Variants in PCNX4 observed in about 807,000 individuals in gnomAD.
The protein encoded by PCNX4 is pecanex-like protein 4.
In PCNX4, 103 loss-of-function variants were observed where a neutral mutation model predicts 107.2. The observed-to-expected ratio is 0.96, with a 90% CI of 0.82 to 1.13. The LOEUF (loss-of-function observed/expected upper bound fraction) is 1.13. Ranked by LOEUF, PCNX4 falls within the 50% of genes most tolerant of loss-of-function variation. The probability of loss-of-function intolerance (pLI) is 0.00; values close to 1 mark genes in which losing one functional copy is unlikely to be tolerated. For missense variants in PCNX4, 1,528 were observed against 1,379.4 expected, an observed-to-expected ratio of 1.11 and a Z score of -1.71; for synonymous variants, 541 against 481.7, an observed-to-expected ratio of 1.12 and a Z score of -1.61.
At position 60,100,392 on chromosome 14, in the gene PCNX4, A is replaced by G. The variant is rs894635450; in HGVS notation, c.-53-7194A>G. ...TGGCTCACTACAACCTCTGTCTCCC[A>G]GGTTCAAGTGATTCTCCCGCCTCAG... is the stretch of plus-strand genomic sequence containing the variant. On this transcript the variant is annotated intron_variant, in intron 1 of 10. Coordinates refer to ENST00000406854, the MANE Select transcript of PCNX4 (RefSeq NM_001330177.2). Among the ~76,000 whole-genome samples, 3 of 152,254 alleles carry G rather than the reference A, an allele frequency of 2.0e-5. 1 individual carries two copies. The highest frequency in any genetic ancestry group is 2.0e-4 in the Admixed American group (3 of 15,292).
intron 7 of PCNX4, among the ~76,000 whole-genome samples, chr14:60,119,459 A>G (rs1263917194): frequency 6.6e-6 from 1 of 152,216 alleles, no homozygotes; most frequent in Non-Finnish European, 1.5e-5. Context: ...TTCTAGGCAG[A>G]GTAACAATTT....
chr14:60,108,360 T>C, intron 2 of PCNX4, 33 bp downstream of exon 2: 1 of 1,501,446 alleles, frequency 6.7e-7, no homozygotes, highest in South Asian at 1.3e-5. Flanking sequence ...GTAACTAACT[T>C]TGTTTTTAAG....
At chr14:60,110,252 G>A (rs1319056790) in intron 2 of PCNX4, 1 of 167,110 alleles carries the variant, frequency 6.0e-6, no homozygotes, top group African/African-American at 2.4e-5. Context: ...TGATAGAACT[G>A]TTCAGCTACA....
intron 10 of PCNX4, among the ~76,000 whole-genome samples, chr14:60,128,108 A>G (rs1896088822): frequency 1.3e-5 from 2 of 152,210 alleles, no homozygotes; most frequent in South Asian, 2.1e-4. Flanking sequence ...GTGGAACACC[A>G]TTAACTGCTC....
rs377589094 is a variant in PCNX4 at position 60,124,403 on chromosome 14, A to G, written c.2232A>G (p.Ser744=). 28 of 1,613,402 alleles carry G rather than the reference A, an allele frequency of 1.7e-5. No individual in the cohort carries two copies. In the African/African-American group the frequency reaches 3.3e-4, roughly 19 times the overall value. ...ATTCTGATGCCAGGAATGTTCTATC[A>G]GGCATAATTGATTCTCATGAAAACT... ...KLYSDARNVL[S]GIIDSHENLK... The change falls in exon 9 of 11, where the codon TCA becomes TCG. Residue 744 remains serine (S), a synonymous_variant. Transcript: ENST00000406854.
intron 2 of PCNX4, chr14:60,110,429 G>A (rs1051518909): frequency 2.4e-5 from 4 of 167,128 alleles, no homozygotes; most frequent in East Asian, 1.9e-4. Context: ...GAGCACTGGC[G>A]GTGACCTGCC....
intron 2 of PCNX4, chr14:60,110,334 C>T (rs770001145): frequency 1.2e-5 from 2 of 167,118 alleles, no homozygotes; most frequent in Admixed American, 6.5e-5. Flanking sequence ...GGGCTACCAC[C>T]TGTTTCAACA....
At position 60,144,830 on chromosome 14, in the gene PCNX4, A is replaced by G. The variant is rs1376011105; in HGVS notation, c.*10609A>G. 1 of 745,898 alleles carries G rather than the reference A, an allele frequency of 1.3e-6. No homozygotes were observed. The highest frequency in any genetic ancestry group is 2.3e-5 in the Admixed American group (1 of 44,104). 46.2% of individuals were successfully genotyped at this position (745,898 alleles called of 1,614,324 possible). On this transcript the variant is annotated 3_prime_UTR_variant, in exon 11 of 11. Transcript: ENST00000406854. ...TATTATTTATTTTTTATTTCATTCCATGTTGGAAGCAAAGTCATATCTATT... is the reference window on the plus strand; with the variant it reads ...TATTATTTATTTTTTATTTCATTCCGTGTTGGAAGCAAAGTCATATCTATT...
In PCNX4 at chr14:60,137,870, A is replaced by C. The variant is rs978753036; in HGVS notation, c.*3649A>C. 1 of 152,072 alleles carries C rather than the reference A, an allele frequency of 6.6e-6. No individual in the cohort carries two copies. The highest frequency in any genetic ancestry group is 2.4e-5 in the African/African-American group (1 of 41,412). The allele number at this position is 152,072 out of a possible 1,614,324, so 9.4% of individuals were successfully genotyped here. A position where few individuals can be genotyped will look rare whatever the true frequency, so the allele number is the denominator to read the frequency against. ...TTTGGGAGGCTGAGGCGGGTGGATC[A>C]TGAGGTCAGGAGATCGAGACCATCC... On this transcript the variant is annotated 3_prime_UTR_variant, in exon 11 of 11. Coordinates refer to ENST00000406854, the MANE Select transcript of PCNX4 (RefSeq NM_001330177.2).
rs150687 is a variant in PCNX4 at position 60,115,217 on chromosome 14, C to T, written c.1113C>T (p.Ser371=). Reference sequence around the variant, plus strand: ...TAGTCTTGGCTCTTTTAGAAACTAGCTTGCTTCATCACTTTGCTGGCTTCT... The same window carrying T: ...TAGTCTTGGCTCTTTTAGAAACTAGTTTGCTTCATCACTTTGCTGGCTTCT... The part of the protein sequence containing the change: ...IILVLALLET[S]LLHHFAGFSQ... Residue 371 remains serine, a synonymous_variant, in exon 4 of 11, where the codon AGC becomes AGT. Coordinates refer to ENST00000406854, the MANE Select transcript of PCNX4 (RefSeq NM_001330177.2). The T allele has an allele frequency of 0.89, 1,432,295 of 1,613,184 alleles. 638,072 individuals carry two copies. Among genetic ancestry groups the T allele is most frequent in the East Asian group, 0.93 (41,902 of 44,858 alleles).
At chr14:60,097,755 A>G (rs1311683554) in intron 1 of PCNX4, among the ~76,000 whole-genome samples, 1 of 152,220 alleles carries the variant, frequency 6.6e-6, no homozygotes, top group Non-Finnish European at 1.5e-5. Flanking sequence ...TCCTAATAAT[A>G]TGCCTAGGAC....
chr14:60,093,037 G>A (rs1895338706), intron 1 of PCNX4, among the ~76,000 whole-genome samples: 1 of 152,124 alleles, frequency 6.6e-6, no homozygotes, highest in Non-Finnish European at 1.5e-5. Flanking sequence ...GGTATCCACC[G>A]CCACTCACGC....
At chr14:60,128,887 A>G (rs1202902512) in intron 10 of PCNX4, among the ~76,000 whole-genome samples, 1 of 152,170 alleles carries the variant, frequency 6.6e-6, no homozygotes, top group Non-Finnish European at 1.5e-5. Flanking sequence ...TCTTGAATCT[A>G]CAGGAAGAAA....
chr14:60,100,200 G>C (rs1436649928), intron 1 of PCNX4, among the ~76,000 whole-genome samples: 1 of 151,468 alleles, frequency 6.6e-6, no homozygotes, highest in African/African-American at 2.4e-5. Flanking sequence ...CACTTCAATA[G>C]AAAAATAGGC....
rs1442565611 is a variant in PCNX4 at position 60,134,062 on chromosome 14, T to A, written c.3360T>A (p.Asn1120Lys). 1 of 1,613,722 alleles carries A rather than the reference T, an allele frequency of 6.2e-7. No individual in the cohort carries two copies. The highest frequency in any genetic ancestry group is 8.5e-7 in the Non-Finnish European group (1 of 1,179,794). The change falls in exon 11 of 11, where the codon AAT (asparagine) becomes AAA (lysine). Residue 1120 changes from asparagine to lysine, a missense_variant. By Grantham distance (94) the Asn-to-Lys change is moderately conservative. Transcript: ENST00000406854. ...NPEAVRGQWA[N>K]LSWELLYATN... is the part of the protein sequence containing the mutation. ...AAGCTGTTAGAGGTCAGTGGGCCAA[T>A]CTTTCATGGGAATTACTTTATGCCA...
intron 10 of PCNX4, chr14:60,133,647 A>G (rs979285623): frequency 5.9e-5 from 30 of 507,234 alleles, no homozygotes; most frequent in African/African-American, 5.6e-4. Context: ...ATCATTCACC[A>G]CCAAATAGTA....
chr14:60,124,641 G>A lies in PCNX4; in HGVS notation c.2470G>A (p.Asp824Asn). Residue 824 changes from aspartate (D) to asparagine (N), a missense_variant, in exon 9 of 11, where the codon GAT becomes AAT. Transcript: ENST00000406854. ...AGAAACTTTTAATGACTGGTCTGAT[G>A]ATAATATTTTTGATGATGAGCCAAC... is the stretch of plus-strand genomic sequence containing the variant. ...NSETFNDWSD[D>N]NIFDDEPTIK... 1 of 1,613,714 alleles carries A rather than the reference G, an allele frequency of 6.2e-7. No individual in the cohort carries two copies.
chr14:60,116,038 A>T lies in PCNX4; in HGVS notation c.1556A>T (p.Asp519Val). 1 of 1,611,674 alleles carries T rather than the reference A, an allele frequency of 6.2e-7. No homozygotes were observed. The highest frequency in any genetic ancestry group is 8.5e-7 in the Non-Finnish European group (1 of 1,178,838). ...GACATATGGTGGAACAGAAGCCTGG[A>T]TACAGGACTCAGACTCTTACTGGTA... The part of the protein sequence containing the change: ...STDIWWNRSL[D>V]TGLRLLLVGI... The change falls in exon 6 of 11, where the codon GAT becomes GTT. Residue 519 changes from aspartate (D) to valine (V), a missense_variant. Physicochemically the swap from Asp to Val is radical, Grantham distance 152. Transcript: ENST00000406854.
chr14:60,121,263 G>C lies in PCNX4; in HGVS notation c.2010G>C (p.Leu670=), dbSNP rs773491628. ...ATCGTTTAATGTGGATAATGATTCTGGAATGTGGCTATACTTACTGCTCTA... is the reference window on the plus strand; with the variant it reads ...ATCGTTTAATGTGGATAATGATTCTCGAATGTGGCTATACTTACTGCTCTA... ...FQDRLMWIMI[L]ECGYTYCSIN... Residue 670 remains leucine (L), a synonymous_variant, in exon 8 of 11, where the codon CTG becomes CTC. Transcript: ENST00000406854. 1.3e-6 allele frequency: 2 copies of C among 1,599,160 alleles called. No homozygotes were observed. The highest frequency in any genetic ancestry group is 4.5e-5 in the East Asian group (2 of 43,994).
Sources: gnomAD v4.1 joint callset for allele counts (sites outside exome capture counted in the v4.1 genomes callset) on GRCh38, gnomAD v4.1.1 for gene constraint, MANE v1.5 for transcripts, NCBI Gene and HGNC (gene_info 2026-07-23, HGNC 2026-07-21) for gene names.